Variants in RPA3 observed in about 807,000 individuals in gnomAD.
RPA3 encodes the protein replication protein A 14 kDa subunit.
Under a neutral mutation model 13.7 loss-of-function variants are expected in RPA3, and 24 were observed. The ratio of observed to expected loss-of-function variants is 1.75; its 90% confidence interval spans 1.27 to 2.46. The LOEUF is 2.46. Ranked by LOEUF, RPA3 falls within the 30% of genes most tolerant of loss-of-function variation. The probability of loss-of-function intolerance (pLI) is 0.00; values close to 1 mark genes in which losing one functional copy is unlikely to be tolerated. For synonymous variants in RPA3, 59 were observed against 51.2 expected, an observed-to-expected ratio of 1.15 and a Z score of -0.65; for missense variants, 183 against 151.0, an observed-to-expected ratio of 1.21 and a Z score of -1.11.
At chr7:7,689,085 A>C (rs764233935) in intron 2 of RPA3, among the ~76,000 whole-genome samples, 1 of 152,028 alleles carries the variant, frequency 6.6e-6, no homozygotes, top group Non-Finnish European at 1.5e-5. Flanking sequence ...AGGAGAGCCA[A>C]CCTTATTCCC....
chr7:7,642,467 TGA>T (rs1784996606), intron 4 of RPA3, among the ~76,000 whole-genome samples: 1 of 38,890 alleles, frequency 2.6e-5, no homozygotes, highest in African/African-American at 9.5e-5. Flanking sequence ...CCTGTAATAG[TGA>T]TTTTTTTTTT....
At chr7:7,700,504 C>A (rs191112284) in intron 2 of RPA3, among the ~76,000 whole-genome samples, 2 of 152,160 alleles carry the variant, frequency 1.3e-5, no homozygotes, top group Admixed American at 1.3e-4. Context: ...GTGGGAAGAT[C>A]GCTTGAGGCC....
intron 1 of RPA3, among the ~76,000 whole-genome samples, 166 bp from the exon 2 acceptor site, chr7:7,715,392 C>G (rs1368785905): frequency 6.6e-6 from 1 of 152,168 alleles, no homozygotes; most frequent in African/African-American, 2.4e-5. Flanking sequence ...TTTCCCAAAT[C>G]TGAAACTCAA....
intron 4 of RPA3, among the ~76,000 whole-genome samples, chr7:7,653,214 T>C (rs1360194533): frequency 6.6e-6 from 1 of 152,234 alleles, no homozygotes; most frequent in Admixed American, 6.5e-5. Context: ...AGTAGTGTTA[T>C]TTACACTCAA....
intron 2 of RPA3, among the ~76,000 whole-genome samples, chr7:7,712,100 G>A (rs564860160): frequency 3.3e-5 from 5 of 151,742 alleles, no homozygotes; most frequent in Admixed American, 6.6e-5. Context: ...CTCTCTCTTA[G>A]CCAATGTCAT....
At chr7:7,683,589 A>T (rs560719320) in intron 4 of RPA3, among the ~76,000 whole-genome samples, 1 of 152,158 alleles carries the variant, frequency 6.6e-6, no homozygotes, top group Admixed American at 6.5e-5. Flanking sequence ...AGAAAGCTTC[A>T]TACATGATCC....
intron 5 of RPA3, chr7:7,639,778 T>A (rs1784923194): frequency 6.3e-6 from 1 of 158,268 alleles, no homozygotes; most frequent in Admixed American, 6.4e-5. Flanking sequence ...CCTCAGCTTT[T>A]CAGGTCACTG....
Position 7,678,838 on chromosome 7 carries a change from T to C in RPA3, c.-758+6992A>G, listed in dbSNP as rs181446156. ...TATTTAGTTTATAAACATATATTTA[T>C]ATATTTAGTTTATAAACATATATTT... is the stretch of plus-strand genomic sequence containing the variant. On this transcript the variant is annotated intron_variant, in intron 4 of 7. Transcript: ENST00000223129. Among the ~76,000 whole-genome samples the C allele has an allele frequency of 1.1e-4, 3 of 26,290 alleles. 1 individual carries two copies. Among genetic ancestry groups the C allele is most frequent in the African/African-American group, 3.8e-4 (2 of 5,304 alleles). 17.2% of individuals were successfully genotyped at this position (26,290 alleles called of 152,430 possible). A position where few individuals can be genotyped will look rare whatever the true frequency, so the allele number is the denominator to read the frequency against.
intron 1 of RPA3, among the ~76,000 whole-genome samples, chr7:7,715,612 A>G (rs1367251342): frequency 6.6e-6 from 1 of 152,218 alleles, no homozygotes; most frequent in Non-Finnish European, 1.5e-5. Flanking sequence ...AATGAGGATA[A>G]AGTTTTTCAA....
intron 2 of RPA3, among the ~76,000 whole-genome samples, chr7:7,704,273 A>C (rs960208607): frequency 6.6e-6 from 1 of 152,186 alleles, no homozygotes; most frequent in Non-Finnish European, 1.5e-5. Context: ...TTTTTCATAG[A>C]AACATTCATG....
chr7:7,639,074 T>C lies in RPA3; in HGVS notation c.170A>G (p.Glu57Gly), dbSNP rs769104678. The C allele has an allele frequency of 1.2e-6, 2 of 1,610,462 alleles. No individual in the cohort carries two copies. The highest frequency in any genetic ancestry group is 3.4e-5 in the Admixed American group (2 of 59,666). Residue 57 changes from glutamate to glycine, a missense_variant, in exon 6 of 8, where the codon GAA (glutamate) becomes GGA (glycine). Physicochemically the swap from Glu to Gly is moderately conservative, Grantham distance 98. Transcript: ENST00000223129. ...EGKNGTIELM[E>G]PLDEEISGIV... ...CTTATTAACACTTAAACATACGGGTTCCATCAACTCGATGGTTCCATTTTT... is the reference window on the plus strand; with the variant it reads ...CTTATTAACACTTAAACATACGGGTCCCATCAACTCGATGGTTCCATTTTT...
chr7:7,647,938 C>G (rs1374944899), intron 4 of RPA3, among the ~76,000 whole-genome samples: 4 of 152,118 alleles, frequency 2.6e-5, no homozygotes, highest in African/African-American at 9.7e-5. Context: ...TTGTTTGCTA[C>G]TATTATAGAC....
chr7:7,698,191 G>T lies in RPA3; in HGVS notation c.-1027-10863C>A, dbSNP rs773413512. Among the ~76,000 whole-genome samples, 224 of 152,272 alleles carry T rather than the reference G, an allele frequency of 1.5e-3. 6 individuals are homozygous for T. Among genetic ancestry groups the T allele is most frequent in the Non-Finnish European group, 4.7e-4 (32 of 68,026 alleles). ...GATGTGATATTATTTATTTTGAATTGCTATATGCTTCATTAGTGTTTTTGG... is the reference window on the plus strand; with the variant it reads ...GATGTGATATTATTTATTTTGAATTTCTATATGCTTCATTAGTGTTTTTGG... On this transcript the variant is annotated intron_variant, in intron 2 of 7. Transcript: ENST00000223129.
chr7:7,640,405 A>G lies in RPA3; in HGVS notation c.14T>C (p.Met5Thr), dbSNP rs1478671301. 8.7e-6 allele frequency: 14 copies of G among 1,614,010 alleles called. No homozygotes were observed. Among genetic ancestry groups the G allele is most frequent in the Non-Finnish European group, 1.2e-5 (14 of 1,180,012 alleles). The change falls in exon 5 of 8, where the codon ATG becomes ACG. Residue 5 changes from methionine (M) to threonine (T), a missense_variant. Transcript: ENST00000223129. ...GTTGATGCGCGACCTGGGCAAGTCC[A>G]TCATGTCCACCATGATTATGGTCCA... MVDM[M>T]DLPRSRINAG...
In RPA3 at chr7:7,708,504, C is replaced by G. The variant is rs574317836; in HGVS notation, c.-1028+6671G>C. The stretch of plus-strand genomic sequence containing the variant: ...GGATATAAGGGGATCAGGTCTAACA[C>G]TCTGTTAAGAAATTAATAGGATCTT... On this transcript the variant is annotated intron_variant, in intron 2 of 7. Transcript: ENST00000223129. 4.4e-4 allele frequency among the ~76,000 whole-genome samples: 67 copies of G among 152,290 alleles called. No homozygotes were observed. The South Asian group carries it at 4.8e-3, about 11-fold the overall frequency.
intron 2 of RPA3, among the ~76,000 whole-genome samples, chr7:7,704,525 G>T (rs1358446036): frequency 6.6e-6 from 1 of 150,788 alleles, no homozygotes; most frequent in Non-Finnish European, 1.5e-5. Context: ...GGAAGCCGAG[G>T]TGGGCGGATC....
intron 4 of RPA3, among the ~76,000 whole-genome samples, chr7:7,656,537 A>G (rs1785348350): frequency 2.0e-5 from 3 of 151,682 alleles, no homozygotes; most frequent in African/African-American, 7.3e-5. Flanking sequence ...TCATTGCTCA[A>G]CTCCCACTTA....
At chr7:7,682,957 G>T (rs1374141204) in intron 4 of RPA3, among the ~76,000 whole-genome samples, 1 of 152,188 alleles carries the variant, frequency 6.6e-6, no homozygotes, top group East Asian at 1.9e-4. Context: ...TGGTTTACCT[G>T]TTAATCTAGC....
At chr7:7,645,597 A>G (rs1282861312) in intron 4 of RPA3, among the ~76,000 whole-genome samples, 4 of 152,182 alleles carry the variant, frequency 2.6e-5, no homozygotes, top group Admixed American at 2.0e-4. Context: ...ATTTCTGTTT[A>G]TTAGATTAAG....
Sources: gnomAD v4.1 joint callset for allele counts (sites outside exome capture counted in the v4.1 genomes callset) on GRCh38, gnomAD v4.1.1 for gene constraint, MANE v1.5 for transcripts, NCBI Gene and HGNC (gene_info 2026-07-23, HGNC 2026-07-21) for gene names.